MIR2052HG: variants seen among roughly 807,000 people sequenced by gnomAD.
MIR2052HG encodes MIR2052 host gene.
chr8:74,642,004 G>C (rs1241122787), intron 2 of MIR2052HG, among the ~76,000 whole-genome samples: 1 of 152,086 alleles, frequency 6.6e-6, no homozygotes, highest in Non-Finnish European at 1.5e-5. Context: ...AGCAGTGGTG[G>C]TGGTGTGGGT....
At chr8:74,755,194 GT>G (rs1809987008) in intron 5 of MIR2052HG, among the ~76,000 whole-genome samples, 9 of 152,106 alleles carry the variant, frequency 5.9e-5, no homozygotes. Flanking sequence ...TGATATTTGG[GT>G]TTTTTAAAAA....
chr8:74,753,287 G>GTCTTTGTT, intron 5 of MIR2052HG, among the ~76,000 whole-genome samples: 1 of 151,652 alleles, frequency 6.6e-6, no homozygotes, highest in Non-Finnish European at 1.5e-5. Context: ...CTGCCACACA[G>GTCTTTGTT]GCAAATGTAT....
chr8:74,753,049 T>C (rs140267194), intron 5 of MIR2052HG, among the ~76,000 whole-genome samples: 232 of 152,222 alleles, frequency 1.5e-3, no homozygotes, highest in African/African-American at 5.4e-3. Context: ...AATCAGAAGG[T>C]AGGTATTTTT....
At chr8:74,667,964 C>T (rs1390146908) in intron 2 of MIR2052HG, among the ~76,000 whole-genome samples, 1 of 151,650 alleles carries the variant, frequency 6.6e-6, no homozygotes, top group African/African-American at 2.4e-5. Context: ...GCATGTAGGC[C>T]CATAAATCTG....
chr8:74,631,092 C>T (rs772531309), intron 2 of MIR2052HG, among the ~76,000 whole-genome samples: 3 of 152,198 alleles, frequency 2.0e-5, no homozygotes, highest in East Asian at 1.9e-4. Flanking sequence ...GAAACTTTTT[C>T]GTATTAGAGT....
intron 4 of MIR2052HG, among the ~76,000 whole-genome samples, chr8:74,711,343 G>A (rs538701164): frequency 6.6e-6 from 1 of 152,136 alleles, no homozygotes; most frequent in Non-Finnish European, 1.5e-5. Flanking sequence ...ATTGTTTACT[G>A]TTCTATACCC....
chr8:74,620,078 T>A (rs1420300823), intron 2 of MIR2052HG, among the ~76,000 whole-genome samples: 1 of 152,160 alleles, frequency 6.6e-6, no homozygotes, highest in Non-Finnish European at 1.5e-5. Flanking sequence ...CCTGTGCGAG[T>A]CTGAAATCCA....
chr8:74,714,455 T>C (rs1286251421), intron 4 of MIR2052HG, among the ~76,000 whole-genome samples: 1 of 152,214 alleles, frequency 6.6e-6, no homozygotes, highest in Non-Finnish European at 1.5e-5. Flanking sequence ...ATGAAAGTTA[T>C]ATAGATTTAG....
At chr8:74,644,841 T>C (rs1219579465) in intron 2 of MIR2052HG, among the ~76,000 whole-genome samples, 1 of 151,970 alleles carries the variant, frequency 6.6e-6, no homozygotes, top group Non-Finnish European at 1.5e-5. Context: ...CAGTGAGCTA[T>C]AATCATGCCA....
chr8:74,671,718 T>A (rs775784126), intron 2 of MIR2052HG, among the ~76,000 whole-genome samples: 9 of 152,156 alleles, frequency 5.9e-5, no homozygotes, highest in African/African-American at 2.2e-4. Context: ...GTTTAGTTAA[T>A]CATGGTCCTT....
intron 2 of MIR2052HG, among the ~76,000 whole-genome samples, chr8:74,651,028 C>T (rs1454225082): frequency 1.1e-4 from 17 of 151,838 alleles, no homozygotes; most frequent in Non-Finnish European, 1.5e-5. Flanking sequence ...GATAAAAATG[C>T]TTTTGTTTCC....
chr8:74,714,793 C>T (rs1181865223), intron 4 of MIR2052HG, among the ~76,000 whole-genome samples: 1 of 150,970 alleles, frequency 6.6e-6, no homozygotes, highest in African/African-American at 2.4e-5. Context: ...CAACCTCTCC[C>T]TCCTGGGTTC....
chr8:74,717,791 G>A (rs1029539938), intron 4 of MIR2052HG, among the ~76,000 whole-genome samples: 2 of 151,254 alleles, frequency 1.3e-5, no homozygotes, highest in African/African-American at 4.9e-5. Flanking sequence ...CTGGGTGGCA[G>A]AGTGAGACCC....
chr8:74,666,700 G>C (rs1808927712), intron 2 of MIR2052HG, among the ~76,000 whole-genome samples: 1 of 152,276 alleles, frequency 6.6e-6, no homozygotes, highest in African/African-American at 2.4e-5. Context: ...CCAAAAGATG[G>C]TGTCGAATTA....
intron 4 of MIR2052HG, among the ~76,000 whole-genome samples, chr8:74,741,923 TG>T (rs1305128260): frequency 6.6e-6 from 1 of 152,220 alleles, no homozygotes; most frequent in African/African-American, 2.4e-5. Context: ...AGCATTGCCT[TG>T]TTCAGCCTCA....
intron 1 of MIR2052HG, among the ~76,000 whole-genome samples, chr8:74,601,489 G>T (rs1285327293): frequency 1.3e-5 from 2 of 152,148 alleles, no homozygotes; most frequent in African/African-American, 4.8e-5. Flanking sequence ...TCTTTAGGAA[G>T]TTTTCTTCAG....
At chr8:74,665,189 C>T (rs894101763) in intron 2 of MIR2052HG, among the ~76,000 whole-genome samples, 7 of 152,144 alleles carry the variant, frequency 4.6e-5, no homozygotes, top group Admixed American at 1.3e-4. Flanking sequence ...TTTTTGATTT[C>T]GAATTTGCCA....
At chr8:74,748,823 C>A (rs1424745096) in intron 4 of MIR2052HG, among the ~76,000 whole-genome samples, 1 of 152,104 alleles carries the variant, frequency 6.6e-6, no homozygotes, top group Admixed American at 6.5e-5. Context: ...CAGATGTTTG[C>A]TTTCTACCAC....
At chr8:74,607,731 G>A (rs574682782) in intron 1 of MIR2052HG, among the ~76,000 whole-genome samples, 1 of 152,308 alleles carries the variant, frequency 6.6e-6, no homozygotes, top group African/African-American at 2.4e-5. Context: ...GTGAAATACA[G>A]GTTTAGTCAC....
Sources: allele counts gnomAD v4.1 joint callset (sites outside exome capture counted in the v4.1 genomes callset), GRCh38; gene constraint gnomAD v4.1.1; transcripts MANE v1.5; gene names NCBI Gene and HGNC (gene_info 2026-07-23, HGNC 2026-07-21).